Variants in HDGFL3 observed in about 807,000 individuals in gnomAD.
HDGFL3 encodes the protein HDGF like 3.
A neutral mutation model predicts 27.6 loss-of-function variants in HDGFL3; 6 were observed. The observed-to-expected ratio is 0.22, with a 90% CI of 0.12 to 0.43. HDGFL3 has a LOEUF of 0.43. HDGFL3 is among the 20% of genes least tolerant of loss of function. The pLI, the probability that HDGFL3 is intolerant of heterozygous loss-of-function variation, is 1.00. For missense variants in HDGFL3, 207 were observed against 250.1 expected, an observed-to-expected ratio of 0.83 and a Z score of 1.16; for synonymous variants, 88 against 88.9, an observed-to-expected ratio of 0.99 and a Z score of 0.05.
intron 3 of HDGFL3, among the ~76,000 whole-genome samples, chr15:83,116,809 T>C (rs1224878673): frequency 6.6e-6 from 1 of 152,052 alleles, no homozygotes; most frequent in Non-Finnish European, 1.5e-5. Flanking sequence ...TGGGGACAAA[T>C]TGGGAGTGAT....
chr15:83,152,789 C>T (rs1291243470), intron 4 of HDGFL3, among the ~76,000 whole-genome samples: 1 of 151,760 alleles, frequency 6.6e-6, no homozygotes, highest in Non-Finnish European at 1.5e-5. Context: ...CAGCCAAGCC[C>T]AAAATGTCAG....
intron 1 of HDGFL3, among the ~76,000 whole-genome samples, chr15:83,201,968 A>T (rs1486618796): frequency 2.0e-5 from 3 of 152,168 alleles, no homozygotes; most frequent in African/African-American, 7.2e-5. Flanking sequence ...GAAGATTATA[A>T]ACACCTTACT....
intron 1 of HDGFL3, chr15:83,169,371 C>T (rs1378849118): frequency 2.3e-5 from 4 of 174,618 alleles, no homozygotes; most frequent in Non-Finnish European, 3.5e-5. Flanking sequence ...GCCGAGATCG[C>T]GCCACTGCAC....
chr15:83,174,446 T>A (rs1375111489), intron 1 of HDGFL3, among the ~76,000 whole-genome samples: 2 of 151,328 alleles, frequency 1.3e-5, no homozygotes, highest in Non-Finnish European at 2.9e-5. Flanking sequence ...TCCCATTACC[T>A]ACTATAAAAC....
At chr15:83,142,931 TTAAG>T (rs545453725) in intron 5 of HDGFL3, among the ~76,000 whole-genome samples, 446 of 152,316 alleles carry the variant, frequency 2.9e-3, no homozygotes, top group African/African-American at 3.9e-3. Flanking sequence ...ATTAAATGAA[TTAAG>T]TATTTTTAAA....
chr15:83,166,678 T>C (rs896366365), intron 1 of HDGFL3, among the ~76,000 whole-genome samples: 3 of 152,242 alleles, frequency 2.0e-5, no homozygotes, highest in East Asian at 1.9e-4. Flanking sequence ...ACAGCAAGCA[T>C]GGCTTCAGGG....
chr15:83,145,519 T>C (rs2036872428), intron 5 of HDGFL3, among the ~76,000 whole-genome samples: 1 of 152,130 alleles, frequency 6.6e-6, no homozygotes, highest in Non-Finnish European at 1.5e-5. Flanking sequence ...GCCCTGGAGG[T>C]GGAGAAGGTG....
In HDGFL3 at chr15:83,120,122, C is replaced by G. The variant is rs140701382; in HGVS notation, c.394-4381G>C. On this transcript the variant is annotated intron_variant, in intron 3 of 3. Coordinates refer to the HDGFL3 transcript ENST00000568294. ...GCTTGTCCGTTCACTCCTCCTGTCT[C>G]ACTCTGCGGCTGGCCCCTTGGCAGT... is the stretch of plus-strand genomic sequence containing the variant. 3.0e-4 allele frequency: 52 copies of G among 173,886 alleles called. No individual in the cohort carries two copies. The East Asian group carries it at 6.5e-3, about 22-fold the overall frequency. The allele number at this position is 173,886 out of a possible 1,614,324, so 10.8% of individuals were successfully genotyped here.
intron 4 of HDGFL3, among the ~76,000 whole-genome samples, chr15:83,152,982 A>G (rs1019108201): frequency 2.0e-5 from 3 of 148,602 alleles, no homozygotes; most frequent in Non-Finnish European, 4.4e-5. Flanking sequence ...AGTCCTCGAT[A>G]CGCAGTTCTT....
chr15:83,172,306 C>G (rs2037255452), intron 1 of HDGFL3, among the ~76,000 whole-genome samples: 1 of 152,258 alleles, frequency 6.6e-6, no homozygotes, highest in Admixed American at 6.5e-5. Context: ...CAGTGCCTTC[C>G]TCTTGGACTT....
rs149157826 is a variant in HDGFL3, at chr15:83,143,702, G to A, written c.607-4427C>T. ...TCAGCTGTGAAAGGCATTGTATGACGGAATAAGGAACGCAGACTTAATCTT... is the reference window on the plus strand; with the variant it reads ...TCAGCTGTGAAAGGCATTGTATGACAGAATAAGGAACGCAGACTTAATCTT... On this transcript the variant is annotated intron_variant, in intron 5 of 5. Transcript: ENST00000299633. Among the ~76,000 whole-genome samples the A allele has an allele frequency of 3.0e-3, 454 of 152,280 alleles. 4 individuals are homozygous for A. Among genetic ancestry groups the A allele is most frequent in the Middle Eastern group, 0.017 (5 of 294 alleles).
chr15:83,203,222 T>C (rs1265197921), intron 1 of HDGFL3, among the ~76,000 whole-genome samples: 1 of 152,012 alleles, frequency 6.6e-6, no homozygotes, highest in African/African-American at 2.4e-5. Flanking sequence ...GGGGGTAACA[T>C]AAGCAGAGTG....
At chr15:83,154,513 C>G (rs1338798066) in intron 4 of HDGFL3, among the ~76,000 whole-genome samples, 1 of 152,168 alleles carries the variant, frequency 6.6e-6, no homozygotes, top group Admixed American at 6.5e-5. Flanking sequence ...CCTAGACCTT[C>G]TGAAATAGAA....
chr15:83,122,998 G>A, downstream of HDGFL3: 1 of 1,135,592 alleles, frequency 8.8e-7, no homozygotes. Context: ...TCCAAACAGT[G>A]CGACTGTTTT....
At chr15:83,156,757 G>A (rs1381423256) in intron 4 of HDGFL3, among the ~76,000 whole-genome samples, 2 of 151,938 alleles carry the variant, frequency 1.3e-5, no homozygotes, top group African/African-American at 4.8e-5. Context: ...GCAGTGGCAC[G>A]ATTTTGGCTC....
At chr15:83,151,099 T>C in intron 5 of HDGFL3, 116 bp downstream of exon 5, 1 of 963,434 alleles carries the variant, frequency 1.0e-6, no homozygotes, top group Non-Finnish European at 1.6e-6. Flanking sequence ...TATAATAGGC[T>C]GAGAATACTT....
intron 1 of HDGFL3, among the ~76,000 whole-genome samples, chr15:83,166,310 A>T (rs2037171362): frequency 6.6e-6 from 1 of 152,208 alleles, no homozygotes; most frequent in Admixed American, 6.5e-5. Flanking sequence ...CCAGCATTCT[A>T]AAAAGAAAAT....
intron 2 of HDGFL3, among the ~76,000 whole-genome samples, chr15:83,159,666 G>C (rs1037899298): frequency 6.6e-6 from 1 of 152,232 alleles, no homozygotes; most frequent in Non-Finnish European, 1.5e-5. Flanking sequence ...AACAAAGAAA[G>C]TGAAGGAATA....
downstream of HDGFL3, among the ~76,000 whole-genome samples, chr15:83,123,479 C>G (rs1218693562): frequency 6.6e-6 from 1 of 152,136 alleles, no homozygotes; most frequent in African/African-American, 2.4e-5. Flanking sequence ...TTTTACTTTT[C>G]TAGGTATTAG....
Sources: gnomAD v4.1 joint callset for allele counts (sites outside exome capture counted in the v4.1 genomes callset) on GRCh38, gnomAD v4.1.1 for gene constraint, MANE v1.5 for transcripts, NCBI Gene and HGNC (gene_info 2026-07-23, HGNC 2026-07-21) for gene names.